Variants in KCNA2 observed in about 807,000 individuals in gnomAD.
The protein encoded by KCNA2 is potassium channel, voltage gated shaker related subfamily A, member 2.
Under a neutral mutation model 33.4 loss-of-function variants are expected in KCNA2, and 11 were observed. The observed-to-expected ratio is 0.33, with a 90% CI of 0.21 to 0.55. The LOEUF is 0.55. KCNA2 is among the 20% of genes least tolerant of loss of function. The probability of loss-of-function intolerance (pLI) is 0.93; values close to 1 mark genes in which losing one functional copy is unlikely to be tolerated. For missense variants in KCNA2, 291 were observed against 621.6 expected (o/e 0.47, Z 5.66); for synonymous variants, 222 against 231.3 (o/e 0.96, Z 0.37).
rs534427399 is a variant in KCNA2 at position 110,598,296 on chromosome 1, T to G, written c.*4987A>C. 110 of 814,862 alleles carry G rather than the reference T, an allele frequency of 1.3e-4. No homozygotes were observed. In the African/African-American group the frequency reaches 1.7e-3, roughly 12 times the overall value. The allele number at this position is 814,862 out of a possible 1,614,324, so 50.5% of individuals were successfully genotyped here. The stretch of plus-strand genomic sequence containing the variant: ...GAGCTCAGCACCATCATCCCCTCTC[T>G]TGAGTAAACAAGTCAAAGCACTGTG... On this transcript the variant is annotated 3_prime_UTR_variant, in exon 3 of 3. Coordinates refer to ENST00000316361, the MANE Select transcript of KCNA2 (RefSeq NM_004974.4).
At position 110,593,768 on chromosome 1, in the gene KCNA2, T is replaced by G. The variant is rs1648965797; in HGVS notation, c.*9515A>C. 6 of 1,176,606 alleles carry G rather than the reference T, an allele frequency of 5.1e-6. No homozygotes were observed. The highest frequency in any genetic ancestry group is 4.8e-6 in the Non-Finnish European group (4 of 837,560). 72.9% of individuals were successfully genotyped at this position (1,176,606 alleles called of 1,614,324 possible). Reference sequence around the variant, plus strand: ...TCATTGAGGCACATATGTACACATATATGTATAACCTATGTACAAATATCA... The same window carrying G: ...TCATTGAGGCACATATGTACACATAGATGTATAACCTATGTACAAATATCA... On this transcript the variant is annotated 3_prime_UTR_variant, in exon 3 of 3. Transcript: ENST00000316361.
At chr1:110,629,821 A>G (rs894242657) in intron 1 of KCNA2, among the ~76,000 whole-genome samples, 54 of 152,248 alleles carry the variant, frequency 3.5e-4, no homozygotes, top group African/African-American at 1.3e-3. Flanking sequence ...GAGTTAATTA[A>G]GACGAGAGAA....
At position 110,623,604 on chromosome 1, in the gene KCNA2, A is replaced by G. The variant is rs1832570; in HGVS notation, c.-496+7791T>C. Among the ~76,000 whole-genome samples the G allele has an allele frequency of 3.3e-3, 504 of 152,324 alleles. 5 individuals are homozygous for G. Among genetic ancestry groups the G allele is most frequent in the African/African-American group, 0.012 (479 of 41,566 alleles). ...GAGACAAGGTCTCACCATGTTGCAT[A>G]AGCTGGTTTCAAACTCCTGGCCTCA... On this transcript the variant is annotated intron_variant, in intron 1 of 4. Transcript: ENST00000369770.
Position 110,602,187 on chromosome 1 carries a change from G to T in KCNA2, c.*1096C>A. On this transcript the variant is annotated 3_prime_UTR_variant, in exon 3 of 3. Transcript: ENST00000316361. Reference sequence around the variant, plus strand: ...TCTGCGTTCCTGTTTAGAAGAACAGGGATAGGTAGGCTGGGGGGCCAGAAG... The same window carrying T: ...TCTGCGTTCCTGTTTAGAAGAACAGTGATAGGTAGGCTGGGGGGCCAGAAG... 1.3e-6 allele frequency: 2 copies of T among 1,550,010 alleles called. No individual in the cohort carries two copies. Among genetic ancestry groups the T allele is most frequent in the Non-Finnish European group, 1.7e-6 (2 of 1,146,866 alleles).
At chr1:110,628,552 G>A (rs1339570293) in intron 1 of KCNA2, among the ~76,000 whole-genome samples, 2 of 152,194 alleles carry the variant, frequency 1.3e-5, no homozygotes, top group Non-Finnish European at 2.9e-5. Context: ...TGAGAGCAGA[G>A]ACCCATTGTG....
intron 1 of KCNA2, among the ~76,000 whole-genome samples, chr1:110,626,100 G>T (rs2101468878): frequency 6.6e-6 from 1 of 152,180 alleles, no homozygotes; most frequent in East Asian, 1.9e-4. Flanking sequence ...ACATTTCCAG[G>T]AATTTATTCT....
rs913099083 is a variant in KCNA2 at position 110,600,038 on chromosome 1, A to G, written c.*3245T>C. 3 of 984,896 alleles carry G rather than the reference A, an allele frequency of 3.0e-6. No homozygotes were observed. Among genetic ancestry groups the G allele is most frequent in the Non-Finnish European group, 3.6e-6 (3 of 829,886 alleles). 61.0% of individuals were successfully genotyped at this position (984,896 alleles called of 1,614,324 possible). On this transcript the variant is annotated 3_prime_UTR_variant, in exon 3 of 3. Coordinates refer to ENST00000316361, the MANE Select transcript of KCNA2 (RefSeq NM_004974.4). ...CTAGGAGTTACTTCTCAGGAGTGAAATCTGGTAGTGAGAGAAAAGAATAGA... is the reference window on the plus strand; with the variant it reads ...CTAGGAGTTACTTCTCAGGAGTGAAGTCTGGTAGTGAGAGAAAAGAATAGA...
intron 1 of KCNA2, among the ~76,000 whole-genome samples, chr1:110,626,660 T>C (rs1299796285): frequency 1.3e-5 from 2 of 152,190 alleles, no homozygotes; most frequent in African/African-American, 2.4e-5. Context: ...TACACAACCA[T>C]GTTGAAGTGT....
At chr1:110,609,306 G>GA (rs1425779173), upstream of KCNA2, among the ~76,000 whole-genome samples, 1 of 152,174 alleles carries the variant, frequency 6.6e-6, no homozygotes, top group Non-Finnish European at 1.5e-5. Context: ...GCCCTTGAAG[G>GA]AAAATCAATC....
intron 1 of KCNA2, among the ~76,000 whole-genome samples, chr1:110,620,053 C>CGAGAGAGAGAGAGAGAGAGAGAGA (rs3050013): frequency 6.3e-5 from 8 of 126,732 alleles, no homozygotes; most frequent in Non-Finnish European, 6.4e-5. Flanking sequence ...AGAGCGAGAG[C>CGAGAGAGAGAGAGAGAGAGAGAGA]GAGAGAGAGA....
chr1:110,607,470 G>GGGGGCC (rs924589094), upstream of KCNA2: 176 of 152,644 alleles, frequency 1.2e-3, 2 homozygotes, highest in South Asian at 0.027. Context: ...AGGGGCCGGC[G>GGGGGCC]GGGGCCGGGG....
upstream of KCNA2, chr1:110,607,363 A>T (rs897511263): frequency 6.7e-6 from 1 of 150,356 alleles, no homozygotes; most frequent in Non-Finnish European, 1.5e-5. Flanking sequence ...CCGGCTCTGC[A>T]GTCCCGCGGG....
rs1325829327 is a variant in KCNA2, at chr1:110,597,043, A to G, written c.*6240T>C. On this transcript the variant is annotated 3_prime_UTR_variant, in exon 3 of 3. Coordinates refer to ENST00000316361, the MANE Select transcript of KCNA2 (RefSeq NM_004974.4). ...CACTAATGTCATGCCCTAACCACCCAAACTTCTATCCCTGTAGACTTCTAC... is the reference window on the plus strand; with the variant it reads ...CACTAATGTCATGCCCTAACCACCCGAACTTCTATCCCTGTAGACTTCTAC... The G allele has an allele frequency of 2.0e-6, 2 of 985,356 alleles. No homozygotes were observed. Among genetic ancestry groups the G allele is most frequent in the Non-Finnish European group, 2.4e-6 (2 of 829,950 alleles). 61.0% of individuals were successfully genotyped at this position (985,356 alleles called of 1,614,324 possible). A position where few individuals can be genotyped will look rare whatever the true frequency, so the allele number is the denominator to read the frequency against.
chr1:110,616,976 C>A (rs1557738277), intron 1 of KCNA2, among the ~76,000 whole-genome samples: 1 of 152,210 alleles, frequency 6.6e-6, no homozygotes, highest in Non-Finnish European at 1.5e-5. Context: ...AAAGCCTTCA[C>A]CAAGGATGGA....
upstream of KCNA2, chr1:110,607,403 C>T (rs560088304): frequency 4.0e-5 from 6 of 150,520 alleles, no homozygotes; most frequent in African/African-American, 1.5e-4. Flanking sequence ...GGCCGCCGCC[C>T]GCAGCCGCAC....
At chr1:110,615,018 A>AATG (rs1258722991) in intron 1 of KCNA2, among the ~76,000 whole-genome samples, 1 of 152,234 alleles carries the variant, frequency 6.6e-6, no homozygotes, top group Non-Finnish European at 1.5e-5. Context: ...AGTGCATCTT[A>AATG]ATGATGTTCT....
chr1:110,617,449 A>C (rs1650103062), intron 1 of KCNA2, among the ~76,000 whole-genome samples: 1 of 152,160 alleles, frequency 6.6e-6, no homozygotes, highest in Non-Finnish European at 1.5e-5. Context: ...GGTGATAGGG[A>C]GCCATTGAGA....
At position 110,596,383 on chromosome 1, in the gene KCNA2, T is replaced by G; in HGVS notation, c.*6900A>C. Reference sequence around the variant, plus strand: ...TAAATATATGTATATATGGAAAACCTCTAAAAACTCAGGACCAATTAACCA... The same window carrying G: ...TAAATATATGTATATATGGAAAACCGCTAAAAACTCAGGACCAATTAACCA... On this transcript the variant is annotated 3_prime_UTR_variant, in exon 3 of 3. Transcript: ENST00000316361. 3.2e-6 allele frequency: 1 copy of G among 311,332 alleles called. No homozygotes were observed. The highest frequency in any genetic ancestry group is 4.7e-6 in the Non-Finnish European group (1 of 214,372). The allele number at this position is 311,332 out of a possible 1,614,324, so 19.3% of individuals were successfully genotyped here.
chr1:110,594,918 T>C lies in KCNA2; in HGVS notation c.*8365A>G, dbSNP rs1649032025. 3.0e-6 allele frequency: 3 copies of C among 985,298 alleles called. No individual in the cohort carries two copies. Among genetic ancestry groups the C allele is most frequent in the Non-Finnish European group, 3.6e-6 (3 of 829,958 alleles). The allele number at this position is 985,298 out of a possible 1,614,324, so 61.0% of individuals were successfully genotyped here. ...TAATGTTAGCAGCTGACATGGAAAT[T>C]GTTTGGTAGCAAAGTGCGCCCCTGA... is the stretch of plus-strand genomic sequence containing the variant. On this transcript the variant is annotated 3_prime_UTR_variant, in exon 3 of 3. Coordinates refer to ENST00000316361, the MANE Select transcript of KCNA2 (RefSeq NM_004974.4).
Sources: gnomAD v4.1 joint callset for allele counts (sites outside exome capture counted in the v4.1 genomes callset) on GRCh38, gnomAD v4.1.1 for gene constraint, MANE v1.5 for transcripts, NCBI Gene and HGNC (gene_info 2026-07-23, HGNC 2026-07-21) for gene names.